The following FUBP1 variants were observed in gnomAD, a reference collection of about 807,000 sequenced individuals.
FUBP1 encodes the protein far upstream element-binding protein 1.
In FUBP1, 16 loss-of-function variants were observed where a neutral mutation model predicts 94.9. The ratio of observed to expected loss-of-function variants is 0.17; its 90% CI spans 0.11 to 0.26. FUBP1 has a LOEUF of 0.26. Ranked by LOEUF, FUBP1 falls within the 10% of genes least tolerant of loss-of-function variation. The pLI is 1.00. For missense variants in FUBP1, 583 were observed against 808.6 expected (o/e 0.72, Z 3.38); for synonymous variants, 279 against 254.9 (o/e 1.09, Z -0.90).
At chr1:77,979,125 A>G (rs1159086930), upstream of FUBP1, 20 of 1,019,748 alleles carry the variant, frequency 2.0e-5, no homozygotes, top group Non-Finnish European at 2.7e-5. Flanking sequence ...ATCGTGCCGT[A>G]AAGGGGCGGA....
rs377748329 is a variant in FUBP1 at position 77,969,963 on chromosome 1, T to C, written c.173A>G (p.Tyr58Cys). The C allele has an allele frequency of 8.8e-6, 14 of 1,590,764 alleles. No homozygotes were observed. The highest frequency in any genetic ancestry group is 1.7e-4 in the Middle Eastern group (1 of 6,016). Reference sequence around the variant, plus strand: ...AGGTCTTTTTTGTCCCCCATAACCATAGTCATTTGAATTCAGTGATGTCCC... The same window carrying C: ...AGGTCTTTTTTGTCCCCCATAACCACAGTCATTTGAATTCAGTGATGTCCC... ...DAGTSLNSND[Y>C]GYGGQKRPLE... The change falls in exon 2 of 20, where the codon TAT becomes TGT. Residue 58 changes from tyrosine to cysteine, a missense_variant. Physicochemically the swap from Tyr to Cys is radical, Grantham distance 194. Transcript: ENST00000370768.
rs1033008632 is a variant in FUBP1 at position 77,979,058 on chromosome 1, A to G, written c.-54T>C. ...GTTCAGAGACTTCCTCTCAGCTAAC[A>G]GCTAAGAAAGAAAGAAAATGGCGGC... On this transcript the variant is annotated 5_prime_UTR_variant, in exon 1 of 20. Coordinates refer to ENST00000370768, the MANE Select transcript of FUBP1 (RefSeq NM_003902.5). The G allele has an allele frequency of 1.4e-5, 21 of 1,509,344 alleles. No individual in the cohort carries two copies. The African/African-American group carries it at 2.2e-4, about 16-fold the overall frequency. The allele number at this position is 1,509,344 out of a possible 1,614,324, so 93.5% of individuals were successfully genotyped here. A position where few individuals can be genotyped will look rare whatever the true frequency, so the allele number is the denominator to read the frequency against.
chr1:77,973,726 A>C (rs1388778000), intron 1 of FUBP1, among the ~76,000 whole-genome samples: 1 of 145,398 alleles, frequency 6.9e-6, no homozygotes, highest in Non-Finnish European at 1.5e-5. Context: ...CTTAAAAGAC[A>C]CAGTAGTCTC....
At chr1:77,969,214 G>A (rs1657059035) in intron 2 of FUBP1, 1 of 274,460 alleles carries the variant, frequency 3.6e-6, no homozygotes, top group Admixed American at 4.6e-5. Context: ...AGTTCTCCTG[G>A]TCAAAAGCTA....
intron 18 of FUBP1, among the ~76,000 whole-genome samples, chr1:77,950,071 T>C (rs1314903919): frequency 6.6e-6 from 1 of 152,256 alleles, no homozygotes; most frequent in Non-Finnish European, 1.5e-5. Flanking sequence ...ATCTTGAATG[T>C]ACTCTGAATT....
intron 1 of FUBP1, among the ~76,000 whole-genome samples, chr1:77,974,794 G>T (rs370478366): frequency 6.6e-6 from 1 of 152,126 alleles, no homozygotes; most frequent in Non-Finnish European, 1.5e-5. Flanking sequence ...TGTATCCTCC[G>T]AGGTTAAGAA....
intron 8 of FUBP1, 36 bp from the exon 9 acceptor site, chr1:77,965,004 AG>A (rs11409017): frequency 6.3e-6 from 10 of 1,592,644 alleles, no homozygotes; most frequent in African/African-American, 4.0e-5. Flanking sequence ...TATTAACAAA[AG>A]GAAGTGGACA....
intron 6 of FUBP1, 21 bp from the exon 7 acceptor site, chr1:77,966,772 A>AT (rs1424857596): frequency 6.7e-7 from 1 of 1,498,040 alleles, no homozygotes; most frequent in African/African-American, 1.4e-5. Context: ...AAACAAACAG[A>AT]TAACTTCAGG....
At chr1:77,952,746 A>T (rs936407299) in intron 18 of FUBP1, among the ~76,000 whole-genome samples, 1 of 152,232 alleles carries the variant, frequency 6.6e-6, no homozygotes, top group African/African-American at 2.4e-5. Flanking sequence ...ATCATTTACA[A>T]AAAGAACTTT....
At chr1:77,960,321 C>T (rs775103455) in intron 15 of FUBP1, 23 bp downstream of exon 15, 4 of 1,613,014 alleles carry the variant, frequency 2.5e-6, no homozygotes, top group Non-Finnish European at 3.4e-6. Context: ...TGGGGAAAGC[C>T]CAGAACTAAA....
At position 77,963,516 on chromosome 1, in the gene FUBP1, GAA is replaced by G; in HGVS notation, c.1183+56_1183+57del. Reference sequence around the variant, plus strand: ...TTGCCACTTGTTTACGACAGCAACAGAAAGTGTCCAGAAAAATGAATAATGTG... The same window carrying G: ...TTGCCACTTGTTTACGACAGCAACAGAGTGTCCAGAAAAATGAATAATGTG... On this transcript the variant is annotated intron_variant, in intron 13 of 19. Transcript: ENST00000370768. 4.0e-6 allele frequency: 4 copies of G among 999,664 alleles called. No individual in the cohort carries two copies. In the South Asian group the frequency reaches 6.3e-5, roughly 16 times the overall value. The allele number at this position is 999,664 out of a possible 1,614,324, so 61.9% of individuals were successfully genotyped here.
At chr1:77,976,886 AC>A (rs1658699783) in intron 1 of FUBP1, among the ~76,000 whole-genome samples, 2 of 151,416 alleles carry the variant, frequency 1.3e-5, no homozygotes, top group African/African-American at 2.4e-5. Flanking sequence ...ACGTCCTCCC[AC>A]CCCCATCTTC....
intron 3 of FUBP1, 25 bp from the exon 4 acceptor site, chr1:77,967,691 A>G: frequency 7.0e-7 from 1 of 1,420,030 alleles, no homozygotes; most frequent in South Asian, 1.2e-5. Context: ...AATAAAAATA[A>G]AACAAAAATT....
chr1:77,957,618 T>C (rs1398984638), intron 16 of FUBP1, among the ~76,000 whole-genome samples: 1 of 152,204 alleles, frequency 6.6e-6, no homozygotes, highest in East Asian at 1.9e-4. Flanking sequence ...TATACCTTCA[T>C]TCTGAACAGT....
At chr1:77,949,104 T>C (rs1268423920) in intron 19 of FUBP1, 51 bp downstream of exon 19, 9 of 1,518,248 alleles carry the variant, frequency 5.9e-6, no homozygotes, top group Non-Finnish European at 8.2e-6. Context: ...ACAGTAAACA[T>C]GCAGAAAACA....
intron 18 of FUBP1, among the ~76,000 whole-genome samples, chr1:77,954,938 T>G (rs1025687945): frequency 6.6e-6 from 1 of 152,164 alleles, no homozygotes; most frequent in African/African-American, 2.4e-5. Context: ...ACACACAATT[T>G]TCGCCTGACA....
At chr1:77,958,461 G>A (rs1654876709) in intron 16 of FUBP1, among the ~76,000 whole-genome samples, 1 of 152,088 alleles carries the variant, frequency 6.6e-6, no homozygotes, top group Non-Finnish European at 1.5e-5. Flanking sequence ...TTTTTTTAAA[G>A]AAACATTTTA....
At chr1:77,968,023 A>G (rs1161713723) in intron 3 of FUBP1, 142 bp downstream of exon 3, 2 of 573,988 alleles carry the variant, frequency 3.5e-6, no homozygotes, top group Non-Finnish European at 6.1e-6. Context: ...AGAAAAAGGT[A>G]TATATTTACA....
chr1:77,949,077 C>CT (rs1464400072), intron 19 of FUBP1, 78 bp downstream of exon 19: 10 of 1,327,350 alleles, frequency 7.5e-6, no homozygotes, highest in Non-Finnish European at 1.1e-5. Flanking sequence ...AAAAGGCAAA[C>CT]ACTCCCAAAC....
Sources: gnomAD v4.1 joint callset for allele counts (sites outside exome capture counted in the v4.1 genomes callset) on GRCh38, gnomAD v4.1.1 for gene constraint, MANE v1.5 for transcripts, NCBI Gene and HGNC (gene_info 2026-07-23, HGNC 2026-07-21) for gene names.